Variants in PTPRD observed in about 807,000 individuals in gnomAD.
PTPRD encodes the protein protein tyrosine phosphatase receptor type D, also known as receptor-type tyrosine-protein phosphatase delta.
Under a neutral mutation model 214.5 loss-of-function variants are expected in PTPRD, and 34 were observed. The observed-to-expected ratio is 0.16, with a 90% CI of 0.12 to 0.21. The LOEUF (loss-of-function observed/expected upper bound fraction) is 0.21. Among genes scored for constraint, PTPRD ranks in the 10% least tolerant of loss-of-function variants. PTPRD has a pLI of 1.00. For missense variants in PTPRD, 2,545 were observed against 2,398.7 expected (o/e 1.06, Z -1.27); for synonymous variants, 1,128 against 845.7 (o/e 1.33, Z -5.79).
chr9:8,501,831 C>T (rs2097416950), intron 23 of PTPRD, among the ~76,000 whole-genome samples: 1 of 152,150 alleles, frequency 6.6e-6, no homozygotes, highest in Non-Finnish European at 1.5e-5. Context: ...CAGCTTTCAG[C>T]TTTTTAATTA....
At chr9:10,425,559 A>G (rs1193162001) in intron 2 of PTPRD, among the ~76,000 whole-genome samples, 3 of 151,978 alleles carry the variant, frequency 2.0e-5, no homozygotes, top group African/African-American at 2.4e-5. Flanking sequence ...ATAAGAGTCC[A>G]TAATATCATG....
At chr9:9,845,553 T>C (rs1202386629) in intron 5 of PTPRD, among the ~76,000 whole-genome samples, 1 of 151,818 alleles carries the variant, frequency 6.6e-6, no homozygotes, top group Non-Finnish European at 1.5e-5. Flanking sequence ...ACCTAAGGAC[T>C]TCTGATATGG....
intron 3 of PTPRD, among the ~76,000 whole-genome samples, chr9:10,219,470 C>A (rs1393009077): frequency 2.0e-5 from 3 of 151,648 alleles, no homozygotes; most frequent in Non-Finnish European, 4.4e-5. Flanking sequence ...TTACCCCCTT[C>A]TGATTTACGA....
At chr9:10,578,936 G>A (rs988730948) in intron 2 of PTPRD, among the ~76,000 whole-genome samples, 3 of 151,400 alleles carry the variant, frequency 2.0e-5, no homozygotes, top group Non-Finnish European at 4.4e-5. Flanking sequence ...TTTAAGTTCC[G>A]GGATACATGT....
chr9:9,175,199 C>G (rs1425270942), intron 10 of PTPRD, among the ~76,000 whole-genome samples: 1 of 152,088 alleles, frequency 6.6e-6, no homozygotes, highest in East Asian at 1.9e-4. Context: ...TGAACTAAGA[C>G]AAGATTTTTC....
At chr9:9,475,305 G>C (rs1317785776) in intron 8 of PTPRD, among the ~76,000 whole-genome samples, 1 of 152,064 alleles carries the variant, frequency 6.6e-6, no homozygotes, top group Non-Finnish European at 1.5e-5. Context: ...ACCAATACTA[G>C]AATGTCATTA....
chr9:9,374,072 T>C (rs145355820), intron 9 of PTPRD, among the ~76,000 whole-genome samples: 266 of 152,130 alleles, frequency 1.7e-3, no homozygotes, highest in African/African-American at 6.3e-3. Context: ...AAATGGTACA[T>C]CCATATTATG....
chr9:8,460,193 T>G lies in PTPRD; in HGVS notation c.3875+218A>C, dbSNP rs1591119032. The G allele has an allele frequency of 1.8e-5, 11 of 600,478 alleles. No homozygotes were observed. In the East Asian group the frequency reaches 3.2e-4, roughly 18 times the overall value. The allele number at this position is 600,478 out of a possible 1,614,324, so 37.2% of individuals were successfully genotyped here. On this transcript the variant is annotated intron_variant, in intron 33 of 45. Transcript: ENST00000381196. ...ATTGGAGGCCAGAATAGATGCATGT[T>G]GGACAACAGAAGTCTATACCAAAAC... is the stretch of plus-strand genomic sequence containing the variant.
At chr9:9,374,784 C>T (rs1218043478) in intron 9 of PTPRD, among the ~76,000 whole-genome samples, 1 of 152,144 alleles carries the variant, frequency 6.6e-6, no homozygotes, top group Non-Finnish European at 1.5e-5. Context: ...CTTTGTCTTA[C>T]ATTGGGCAAG....
chr9:9,848,101 C>A (rs924389587), intron 5 of PTPRD, among the ~76,000 whole-genome samples: 2 of 152,098 alleles, frequency 1.3e-5, no homozygotes, highest in South Asian at 2.1e-4. Context: ...AGGGGGAAAT[C>A]TTTAAAAGGG....
chr9:9,174,466 T>C (rs146763057), intron 10 of PTPRD, among the ~76,000 whole-genome samples: 101 of 152,298 alleles, frequency 6.6e-4, no homozygotes, highest in Admixed American at 1.5e-3. Flanking sequence ...TATAACCTTA[T>C]AAGTTATGTT....
At chr9:8,334,167 G>A (rs1372825374) in intron 43 of PTPRD, among the ~76,000 whole-genome samples, 1 of 152,084 alleles carries the variant, frequency 6.6e-6, no homozygotes, top group Non-Finnish European at 1.5e-5. Context: ...CTTGAAGTCA[G>A]CTCTGGACTA....
At chr9:9,914,429 G>A (rs770771363) in intron 5 of PTPRD, among the ~76,000 whole-genome samples, 6 of 152,142 alleles carry the variant, frequency 3.9e-5, no homozygotes, top group Non-Finnish European at 7.4e-5. Flanking sequence ...CTGAGTAGCC[G>A]TGTAGCCACG....
chr9:9,141,532 A>G (rs1261238965), intron 10 of PTPRD, among the ~76,000 whole-genome samples: 4 of 152,028 alleles, frequency 2.6e-5, no homozygotes, highest in East Asian at 3.9e-4. Flanking sequence ...ATGTAGTTCC[A>G]GAAAAGGATA....
At chr9:8,898,832 G>A (rs534562709) in intron 11 of PTPRD, among the ~76,000 whole-genome samples, 85 of 152,138 alleles carry the variant, frequency 5.6e-4, no homozygotes, top group African/African-American at 2.0e-3. Flanking sequence ...TATTAAGTAG[G>A]GGAAATAAAG....
intron 11 of PTPRD, among the ~76,000 whole-genome samples, chr9:8,813,141 T>G (rs1444689877): frequency 6.6e-6 from 1 of 152,126 alleles, no homozygotes; most frequent in Non-Finnish European, 1.5e-5. Flanking sequence ...GGGGCTCCAA[T>G]GTGTTCAATT....
At chr9:9,850,778 T>C (rs2060411597) in intron 5 of PTPRD, among the ~76,000 whole-genome samples, 1 of 152,150 alleles carries the variant, frequency 6.6e-6, no homozygotes, top group South Asian at 2.1e-4. Context: ...TTTGAATTTA[T>C]ACCTTCTAAC....
intron 9 of PTPRD, among the ~76,000 whole-genome samples, chr9:9,222,383 C>T (rs1458205507): frequency 6.6e-6 from 1 of 151,946 alleles, no homozygotes; most frequent in East Asian, 1.9e-4. Context: ...GCACTTTAAG[C>T]TAGGCATATT....
intron 8 of PTPRD, among the ~76,000 whole-genome samples, 152 bp from the exon 9 acceptor site, chr9:9,397,634 T>C (rs573695542): frequency 6.6e-6 from 1 of 152,054 alleles, no homozygotes; most frequent in Non-Finnish European, 1.5e-5. Flanking sequence ...CAATTATTTA[T>C]TTCAGATGAA....
Sources: gnomAD v4.1 joint callset for allele counts (sites outside exome capture counted in the v4.1 genomes callset) on GRCh38, gnomAD v4.1.1 for gene constraint, MANE v1.5 for transcripts, NCBI Gene and HGNC (gene_info 2026-07-23, HGNC 2026-07-21) for gene names.